Variants in EHF observed in about 807,000 individuals in gnomAD.
EHF encodes the protein ETS homologous factor.
EHF carries 14 observed loss-of-function variants against 45.1 expected under a neutral mutation model. That is an observed-to-expected ratio of 0.31 (90% confidence interval 0.21 to 0.49). EHF has a LOEUF of 0.49. Ranked by LOEUF, EHF falls within the 20% of genes least tolerant of loss-of-function variation. EHF has a pLI of 0.99. For synonymous variants in EHF, 136 were observed against 131.8 expected (o/e 1.03, Z -0.22); for missense variants, 282 against 371.4 (o/e 0.76, Z 1.98).
chr11:34,625,017 G>A (rs1590396707), intron 1 of EHF, among the ~76,000 whole-genome samples: 1 of 152,148 alleles, frequency 6.6e-6, no homozygotes, highest in East Asian at 1.9e-4. Context: ...CTGTGGCTGT[G>A]GTGATTGGGG....
At chr11:34,623,710 G>C (rs1052030511) in intron 1 of EHF, among the ~76,000 whole-genome samples, 1 of 152,184 alleles carries the variant, frequency 6.6e-6, no homozygotes, top group Non-Finnish European at 1.5e-5. Flanking sequence ...CACTTCTGAG[G>C]AAGTAGAATT....
chr11:34,655,313 A>G (rs1855556707), intron 6 of EHF, among the ~76,000 whole-genome samples: 1 of 152,172 alleles, frequency 6.6e-6, no homozygotes, highest in South Asian at 2.1e-4. Flanking sequence ...TAGCTGGGTG[A>G]TAAGATGGTT....
chr11:34,646,461 C>G lies in EHF; in HGVS notation c.120C>G (p.Gly40=), dbSNP rs750929927. 6.2e-7 allele frequency: 1 copy of G among 1,614,002 alleles called. No individual in the cohort carries two copies. Among genetic ancestry groups the G allele is most frequent in the Admixed American group, 1.7e-5 (1 of 60,012 alleles). The change falls in exon 3 of 9, where the codon GGC becomes GGG. Residue 40 remains glycine, a synonymous_variant. Coordinates refer to ENST00000257831, the MANE Select transcript of EHF (RefSeq NM_012153.6). ...CAGTTTCCAGTGGGTTTTTTGGAGGCCAGTGGCATGAAATTCATCCTCAGT... is the reference window on the plus strand; with the variant it reads ...CAGTTTCCAGTGGGTTTTTTGGAGGGCAGTGGCATGAAATTCATCCTCAGT... The part of the protein sequence containing the change: ...TCNVSSGFFG[G]QWHEIHPQYW...
At chr11:34,646,153 T>C (rs1854511738) in intron 2 of EHF, among the ~76,000 whole-genome samples, 1 of 151,180 alleles carries the variant, frequency 6.6e-6, no homozygotes. Context: ...GCTAATAAAT[T>C]GCTGAAATGA....
In EHF at chr11:34,658,399, G is replaced by A. The variant is rs187535702; in HGVS notation, c.608-134G>A. 123 of 677,346 alleles carry A rather than the reference G, an allele frequency of 1.8e-4. 1 individual carries two copies. The highest frequency in any genetic ancestry group is 1.7e-3 in the African/African-American group (98 of 56,022). The allele number at this position is 677,346 out of a possible 1,614,324, so 42.0% of individuals were successfully genotyped here. On this transcript the variant is annotated intron_variant, in intron 7 of 8. Transcript: ENST00000257831. ...AATGTCCAACATCTGGTGATTCTGC[G>A]ATCCATCTTCCCTGACAAGTAGGGG...
intron 7 of EHF, 47 bp from the exon 8 acceptor site, chr11:34,658,486 T>C: frequency 6.5e-7 from 1 of 1,531,532 alleles, no homozygotes; most frequent in Non-Finnish European, 8.9e-7. Context: ...GCCCTATCTT[T>C]GCTGTGACTT....
At chr11:34,636,698 G>C (rs1019012952) in intron 1 of EHF, among the ~76,000 whole-genome samples, 6 of 152,214 alleles carry the variant, frequency 3.9e-5, no homozygotes, top group African/African-American at 1.4e-4. Flanking sequence ...CTGGCCGTTT[G>C]AATCATGAGC....
rs1461085062 is a variant in EHF at position 34,663,095 on chromosome 11, G to A, written c.*4164G>A. 6.6e-6 allele frequency among the ~76,000 whole-genome samples: 1 copy of A among 151,874 alleles called. No individual in the cohort carries two copies. Among genetic ancestry groups the A allele is most frequent in the Non-Finnish European group, 1.5e-5 (1 of 67,970 alleles). ...TGTTTTTCTTTCCATCTGGCTCCTGGGTTGACAATTTGTGGAAACAACTCT... is the reference window on the plus strand; with the variant it reads ...TGTTTTTCTTTCCATCTGGCTCCTGAGTTGACAATTTGTGGAAACAACTCT... On this transcript the variant is annotated 3_prime_UTR_variant, in exon 9 of 9. Coordinates refer to ENST00000257831, the MANE Select transcript of EHF (RefSeq NM_012153.6).
intron 1 of EHF, among the ~76,000 whole-genome samples, chr11:34,639,708 C>T (rs1030467179): frequency 6.6e-6 from 1 of 152,238 alleles, no homozygotes; most frequent in African/African-American, 2.4e-5. Context: ...TTAAGCCACA[C>T]AAACTCTTTT....
intron 1 of EHF, among the ~76,000 whole-genome samples, chr11:34,630,442 T>G (rs1852771029): frequency 2.0e-5 from 3 of 152,228 alleles, no homozygotes; most frequent in South Asian, 4.1e-4. Flanking sequence ...CCTCAACAAA[T>G]ATGAACTATT....
chr11:34,648,186 T>A (rs940027584), intron 3 of EHF, among the ~76,000 whole-genome samples: 3 of 152,218 alleles, frequency 2.0e-5, no homozygotes, highest in African/African-American at 7.2e-5. Context: ...GCACTGTAAG[T>A]GAATTAATTC....
At chr11:34,637,809 A>G (rs1456142592) in intron 1 of EHF, among the ~76,000 whole-genome samples, 1 of 152,002 alleles carries the variant, frequency 6.6e-6, no homozygotes, top group Non-Finnish European at 1.5e-5. Flanking sequence ...AAAATCAAAT[A>G]CACTTCCCTC....
chr11:34,655,637 T>C (rs1300275761), intron 6 of EHF, among the ~76,000 whole-genome samples: 1 of 152,236 alleles, frequency 6.6e-6, no homozygotes, highest in Non-Finnish European at 1.5e-5. Flanking sequence ...TGGATCATAT[T>C]AGTACCTGTG....
intron 1 of EHF, among the ~76,000 whole-genome samples, chr11:34,626,587 G>C (rs192485671): frequency 6.6e-6 from 1 of 152,326 alleles, no homozygotes; most frequent in East Asian, 1.9e-4. Flanking sequence ...GTGTACTCTA[G>C]ATTTGACTCT....
intron 2 of EHF, among the ~76,000 whole-genome samples, chr11:34,645,671 G>C (rs944492734): frequency 3.9e-5 from 6 of 152,224 alleles, no homozygotes; most frequent in African/African-American, 9.6e-5. Context: ...AGGATGGTCA[G>C]AGTTCGAAAG....
chr11:34,641,835 A>G (rs1243728360), intron 1 of EHF, among the ~76,000 whole-genome samples: 2 of 152,192 alleles, frequency 1.3e-5, no homozygotes, highest in African/African-American at 4.8e-5. Context: ...AAACAGGCCC[A>G]TGGAAGAAAT....
chr11:34,637,297 A>G (rs1853528580), intron 1 of EHF, among the ~76,000 whole-genome samples: 1 of 152,122 alleles, frequency 6.6e-6, no homozygotes, highest in Non-Finnish European at 1.5e-5. Flanking sequence ...GCTTTTCTGG[A>G]AGCAAGCCCT....
intron 1 of EHF, chr11:34,631,504 C>T: frequency 1.1e-6 from 1 of 889,092 alleles, no homozygotes; most frequent in Non-Finnish European, 1.3e-6. Flanking sequence ...GAGAAGTGAG[C>T]ATGTGATGAT....
At chr11:34,635,975 C>A (rs912223972) in intron 1 of EHF, among the ~76,000 whole-genome samples, 1 of 152,012 alleles carries the variant, frequency 6.6e-6, no homozygotes, top group Admixed American at 6.5e-5. Context: ...CAGCAGCTCT[C>A]GGAATAGGGA....
Sources: allele counts gnomAD v4.1 joint callset (sites outside exome capture counted in the v4.1 genomes callset), GRCh38; gene constraint gnomAD v4.1.1; transcripts MANE v1.5; gene names NCBI Gene and HGNC (gene_info 2026-07-23, HGNC 2026-07-21).